SLC31A1: variants seen among roughly 807,000 people sequenced by gnomAD.
SLC31A1 encodes solute carrier family 31 member 1.
SLC31A1 carries 5 observed loss-of-function variants against 17.2 expected under a neutral mutation model. The ratio of observed to expected loss-of-function variants is 0.29; its 90% CI spans 0.15 to 0.61. SLC31A1 has a LOEUF of 0.61. Ranked by LOEUF, SLC31A1 falls within the 20% of genes least tolerant of loss-of-function variation. SLC31A1 has a pLI of 0.86. For synonymous variants in SLC31A1, 76 were observed against 78.8 expected (o/e 0.96, Z 0.19); for missense variants, 161 against 241.4 (o/e 0.67, Z 2.21).
chr9:113,243,863 A>G (rs545042274), intron 1 of SLC31A1, among the ~76,000 whole-genome samples: 11 of 152,272 alleles, frequency 7.2e-5, no homozygotes, highest in Admixed American at 4.6e-4. Context: ...TAAAGAAGCT[A>G]TTCCTACTGG....
rs976999366 is a variant in SLC31A1, at chr9:113,244,301, G to A, written c.-35-11813G>A. On this transcript the variant is annotated intron_variant, in intron 1 of 4. Transcript: ENST00000374212. ...AAATGAAGGCACTTAAAAGTTTTAA[G>A]TGTAATTATTTGAAGTAGTTTTCTC... Among the ~76,000 whole-genome samples the A allele has an allele frequency of 6.6e-5, 10 of 152,134 alleles. No homozygotes were observed. The South Asian group carries it at 2.1e-3, about 32-fold the overall frequency.
intron 1 of SLC31A1, among the ~76,000 whole-genome samples, chr9:113,242,847 T>G (rs914663317): frequency 9.2e-5 from 14 of 152,246 alleles, no homozygotes; most frequent in African/African-American, 2.7e-4. Flanking sequence ...TCAGACCACT[T>G]AAAGGTCAAT....
rs983400182 is a variant in SLC31A1 at position 113,263,379 on chromosome 9, A to G, written c.*2906A>G. ...TGAGCTCTTGGATTGTGATAATACA[A>G]TGATTTCATTAACTTTTCATTTCTG... On this transcript the variant is annotated 3_prime_UTR_variant, in exon 5 of 5. Transcript: ENST00000374212. 2 of 152,560 alleles carry G rather than the reference A, an allele frequency of 1.3e-5. No homozygotes were observed. Among genetic ancestry groups the G allele is most frequent in the Admixed American group, 6.5e-5 (1 of 15,278 alleles). The allele number at this position is 152,560 out of a possible 1,614,324, so 9.5% of individuals were successfully genotyped here.
intron 1 of SLC31A1, among the ~76,000 whole-genome samples, chr9:113,250,686 A>G (rs1251944683): frequency 6.6e-6 from 1 of 152,054 alleles, no homozygotes; most frequent in Non-Finnish European, 1.5e-5. Flanking sequence ...AAAAAAAAAA[A>G]ACTTCAAAAA....
At chr9:113,250,691 C>CAA (rs74410113) in intron 1 of SLC31A1, among the ~76,000 whole-genome samples, 1 of 133,404 alleles carries the variant, frequency 7.5e-6, no homozygotes, top group African/African-American at 2.8e-5. Context: ...AAAAAAACTT[C>CAA]AAAAAAAAAA....
chr9:113,229,239 C>G (rs984192564), intron 1 of SLC31A1, among the ~76,000 whole-genome samples: 3 of 152,204 alleles, frequency 2.0e-5, no homozygotes, highest in Non-Finnish European at 4.4e-5. Flanking sequence ...TCATTTACTC[C>G]TACCCACTTC....
rs375011794 is a variant in SLC31A1, at chr9:113,256,205, A to G, written c.57A>G (p.Gln19=). The change falls in exon 2 of 5, where the codon CAA becomes CAG. Residue 19 remains glutamine, a synonymous_variant. Transcript: ENST00000374212. The part of the protein sequence containing the change: ...MSYMDSNSTM[Q]PSHHHPTTSA... ...ATATGGACTCCAACAGTACCATGCA[A>G]CCTTCTCACCATCACCCAACCACTT... is the stretch of plus-strand genomic sequence containing the variant. The G allele has an allele frequency of 9.3e-6, 15 of 1,613,216 alleles. No homozygotes were observed. The Admixed American group carries it at 1.7e-4, about 18-fold the overall frequency.
Position 113,261,777 on chromosome 9 carries a change from CTT to C in SLC31A1, c.*1307_*1308del. On this transcript the variant is annotated 3_prime_UTR_variant, in exon 5 of 5. Coordinates refer to ENST00000374212, the MANE Select transcript of SLC31A1 (RefSeq NM_001859.4). ...CCTGCTGATGTTACAAGGGACCACA[CTT>C]TTGAGAATCTGTGCTTTAAGCTAAG... 6.5e-6 allele frequency: 1 copy of C among 152,738 alleles called. No homozygotes were observed. The highest frequency in any genetic ancestry group is 1.9e-4 in the East Asian group (1 of 5,180). 9.5% of individuals were successfully genotyped at this position (152,738 alleles called of 1,614,324 possible).
chr9:113,252,946 CTTT>C (rs1282361795), intron 1 of SLC31A1, among the ~76,000 whole-genome samples: 28 of 113,738 alleles, frequency 2.5e-4, no homozygotes, highest in African/African-American at 9.6e-4. Context: ...CTTTTCTTTT[CTTT>C]TTTTCTTTTT....
At chr9:113,255,869 T>C (rs1587996208) in intron 1 of SLC31A1, 1 of 238,668 alleles carries the variant, frequency 4.2e-6, no homozygotes, top group East Asian at 8.8e-5. Flanking sequence ...GCATTCCATA[T>C]AGACAAAGTA....
intron 2 of SLC31A1, among the ~76,000 whole-genome samples, chr9:113,256,776 G>A (rs192063827): frequency 3.6e-4 from 55 of 151,666 alleles, no homozygotes; most frequent in African/African-American, 1.3e-3. Flanking sequence ...CAGGAGAATC[G>A]CTTGAACCCA....
In SLC31A1 at chr9:113,264,216, A is replaced by G. The variant is rs1473667805; in HGVS notation, c.*3743A>G. 1 of 152,152 alleles carries G rather than the reference A, an allele frequency of 6.6e-6. No homozygotes were observed. Among genetic ancestry groups the G allele is most frequent in the Non-Finnish European group, 1.5e-5 (1 of 68,066 alleles). The allele number at this position is 152,152 out of a possible 1,614,324, so 9.4% of individuals were successfully genotyped here. A position where few individuals can be genotyped will look rare whatever the true frequency, so the allele number is the denominator to read the frequency against. ...GTAATCCCAGCTACTCGGGAGGCTG[A>G]GGCAGGAGAATCGCTTGAACCCAGG... On this transcript the variant is annotated 3_prime_UTR_variant, in exon 5 of 5. Coordinates refer to ENST00000374212, the MANE Select transcript of SLC31A1 (RefSeq NM_001859.4).
chr9:113,253,015 G>A (rs564761883), intron 1 of SLC31A1, among the ~76,000 whole-genome samples: 6 of 146,530 alleles, frequency 4.1e-5, no homozygotes, highest in Middle Eastern at 3.5e-3. Flanking sequence ...GTGCAGTGGC[G>A]CGGTCTCGCT....
At chr9:113,249,333 T>C (rs1348300111) in intron 1 of SLC31A1, among the ~76,000 whole-genome samples, 1 of 149,712 alleles carries the variant, frequency 6.7e-6, no homozygotes, top group Non-Finnish European at 1.5e-5. Flanking sequence ...GAAAGGGCAG[T>C]ACAGTAATTC....
In SLC31A1 at chr9:113,261,382, A is replaced by G. The variant is rs986723765; in HGVS notation, c.*909A>G. The G allele has an allele frequency of 1.3e-5, 2 of 152,632 alleles. No individual in the cohort carries two copies. Among genetic ancestry groups the G allele is most frequent in the Non-Finnish European group, 2.9e-5 (2 of 68,034 alleles). 9.5% of individuals were successfully genotyped at this position (152,632 alleles called of 1,614,324 possible). Reference sequence around the variant, plus strand: ...GTAGTGTGCAGAGCGGTGGTTTGAGACTAAATACAGGCTTAGAACTTGCAG... The same window carrying G: ...GTAGTGTGCAGAGCGGTGGTTTGAGGCTAAATACAGGCTTAGAACTTGCAG... On this transcript the variant is annotated 3_prime_UTR_variant, in exon 5 of 5. Transcript: ENST00000374212.
intron 1 of SLC31A1, among the ~76,000 whole-genome samples, chr9:113,253,375 G>C (rs912157002): frequency 6.6e-6 from 1 of 151,936 alleles, no homozygotes; most frequent in Non-Finnish European, 1.5e-5. Flanking sequence ...CTGCCCACCT[G>C]CCATTTGCCC....
intron 1 of SLC31A1, among the ~76,000 whole-genome samples, chr9:113,241,004 C>A (rs936457507): frequency 6.8e-6 from 1 of 146,744 alleles, no homozygotes. Context: ...GAGCCGAGAT[C>A]GTGCCACTGT....
At chr9:113,256,402 C>T in intron 2 of SLC31A1, 125 bp downstream of exon 2, 1 of 1,071,810 alleles carries the variant, frequency 9.3e-7, no homozygotes, top group South Asian at 1.6e-5. Context: ...ATAACTAAAG[C>T]AGACCCAAGC....
At chr9:113,222,940 G>A (rs1831300046) in intron 1 of SLC31A1, among the ~76,000 whole-genome samples, 1 of 152,180 alleles carries the variant, frequency 6.6e-6, no homozygotes, top group South Asian at 2.1e-4. Context: ...GAGCTTGCTA[G>A]CCCCTGGCTT....
Sources: allele counts gnomAD v4.1 joint callset (sites outside exome capture counted in the v4.1 genomes callset), GRCh38; gene constraint gnomAD v4.1.1; transcripts MANE v1.5; gene names NCBI Gene and HGNC (gene_info 2026-07-23, HGNC 2026-07-21).